The following EGFR variants were observed in gnomAD, a reference collection of about 807,000 sequenced individuals.
EGFR encodes avian erythroblastic leukemia viral (v-erb-b) oncogene homolog.
A neutral mutation model predicts 143.0 loss-of-function variants in EGFR; 58 were observed. The ratio of observed to expected loss-of-function variants is 0.41; its 90% CI spans 0.33 to 0.50. The LOEUF is 0.50. Among genes scored for constraint, EGFR ranks in the 20% least tolerant of loss-of-function variants. The pLI is 0.39. For missense variants in EGFR, 1,307 were observed against 1,579.0 expected (o/e 0.83, Z 2.92); for synonymous variants, 613 against 594.4 (o/e 1.03, Z -0.45).
chr7:55,202,770 C>T lies in EGFR; in HGVS notation c.3271+145C>T, dbSNP rs138407473. ...GCAGATTTGCAGACACAGTGAAGGGCGTAAGGAGCAGATAAACACATGACC... is the reference window on the plus strand; with the variant it reads ...GCAGATTTGCAGACACAGTGAAGGGTGTAAGGAGCAGATAAACACATGACC... On this transcript the variant is annotated intron_variant, in intron 27 of 27. Transcript: ENST00000275493. 1.8e-3 allele frequency: 1,388 copies of T among 763,458 alleles called. No homozygotes were observed. Among genetic ancestry groups the T allele is most frequent in the Non-Finnish European group, 2.7e-3 (1,173 of 432,104 alleles). The allele number at this position is 763,458 out of a possible 1,614,324, so 47.3% of individuals were successfully genotyped here. A position where few individuals can be genotyped will look rare whatever the true frequency, so the allele number is the denominator to read the frequency against.
intron 13 of EGFR, among the ~76,000 whole-genome samples, chr7:55,162,151 ATTTAG>A (rs1477426161): frequency 1.3e-5 from 2 of 152,252 alleles, no homozygotes; most frequent in Non-Finnish European, 2.9e-5. Context: ...TGTTTGTTGA[ATTTAG>A]TTGCAATCAA....
chr7:55,206,738 A>G lies in EGFR; in HGVS notation c.*1121A>G, dbSNP rs1788116925. Reference sequence around the variant, plus strand: ...CACTTCAAAAGCTTTTTACTCAAAGAGTATATGTTCCCTCCAGGTCAGCTG... The same window carrying G: ...CACTTCAAAAGCTTTTTACTCAAAGGGTATATGTTCCCTCCAGGTCAGCTG... On this transcript the variant is annotated 3_prime_UTR_variant, in exon 28 of 28. Transcript: ENST00000275493. 1 of 233,212 alleles carries G rather than the reference A, an allele frequency of 4.3e-6. No homozygotes were observed. The highest frequency in any genetic ancestry group is 8.5e-6 in the Non-Finnish European group (1 of 118,062). The allele number at this position is 233,212 out of a possible 1,614,324, so 14.4% of individuals were successfully genotyped here.
At chr7:55,037,223 C>A (rs530591144) in intron 1 of EGFR, among the ~76,000 whole-genome samples, 9 of 152,152 alleles carry the variant, frequency 5.9e-5, no homozygotes, top group Non-Finnish European at 1.3e-4. Flanking sequence ...TAGCTCAATT[C>A]AACTCAATAG....
chr7:55,145,170 G>A (rs1794697928), intron 3 of EGFR, among the ~76,000 whole-genome samples: 1 of 152,140 alleles, frequency 6.6e-6, no homozygotes, highest in African/African-American at 2.4e-5. Context: ...GTGTGCTGAA[G>A]GCCCAGCTCT....
rs1786407619 is a variant in EGFR at position 55,172,748 on chromosome 7, A to G, written c.1920-235A>G. 6 of 1,196,940 alleles carry G rather than the reference A, an allele frequency of 5.0e-6. No individual in the cohort carries two copies. In the East Asian group the frequency reaches 1.5e-4, roughly 31 times the overall value. The allele number at this position is 1,196,940 out of a possible 1,614,324, so 74.1% of individuals were successfully genotyped here. A position where few individuals can be genotyped will look rare whatever the true frequency, so the allele number is the denominator to read the frequency against. On this transcript the variant is annotated intron_variant, in intron 16 of 27. Coordinates refer to ENST00000275493, the MANE Select transcript of EGFR (RefSeq NM_005228.5). ...ATGGAGAGGTCCAGATAAAGCCTCA[A>G]TTTTAAAAAATGAGGAAAAGTGTGC...
intron 1 of EGFR, among the ~76,000 whole-genome samples, chr7:55,130,483 G>A (rs1161425750): frequency 6.6e-6 from 1 of 152,176 alleles, no homozygotes; most frequent in African/African-American, 2.4e-5. Flanking sequence ...TGGGATTACA[G>A]GGTAGCCAGG....
At chr7:55,140,744 A>G (rs1286546093) in intron 1 of EGFR, among the ~76,000 whole-genome samples, 1 of 152,182 alleles carries the variant, frequency 6.6e-6, no homozygotes, top group African/African-American at 2.4e-5. Flanking sequence ...GATAGGAGAG[A>G]GGGACTCCAT....
chr7:55,101,136 C>T (rs1791794717), intron 1 of EGFR, among the ~76,000 whole-genome samples: 2 of 152,218 alleles, frequency 1.3e-5, no homozygotes, highest in Admixed American at 1.3e-4. Flanking sequence ...CAGATGTGAA[C>T]AAGGGGCCCG....
Position 55,157,748 on chromosome 7 carries a change from G to A in EGFR, c.1293G>A (p.Lys431=), listed in dbSNP as rs2128939785. The stretch of plus-strand genomic sequence containing the variant: ...TAGAAATCATACGCGGCAGGACCAA[G>A]CAACAGTAAGTTGACCACAGCCAAA... The part of the protein sequence containing the change: ...ENLEIIRGRT[K]QHGQFSLAVV... The change falls in exon 11 of 28, where the codon AAG becomes AAA. Residue 431 remains lysine, a synonymous_variant. Coordinates refer to ENST00000275493, the MANE Select transcript of EGFR (RefSeq NM_005228.5). 2 of 1,614,226 alleles carry A rather than the reference G, an allele frequency of 1.2e-6. No homozygotes were observed. Among genetic ancestry groups the A allele is most frequent in the Non-Finnish European group, 1.7e-6 (2 of 1,180,026 alleles).
In EGFR at chr7:55,142,301, G is replaced by A. The variant is rs1406387936; in HGVS notation, c.104G>A (p.Ser35Asn). 2 of 1,614,178 alleles carry A rather than the reference G, an allele frequency of 1.2e-6. No individual in the cohort carries two copies. Among genetic ancestry groups the A allele is most frequent in the Non-Finnish European group, 1.7e-6 (2 of 1,180,034 alleles). Residue 35 changes from serine to asparagine, a missense_variant, in exon 2 of 28, where the codon AGT becomes AAT. Coordinates refer to ENST00000275493, the MANE Select transcript of EGFR (RefSeq NM_005228.5). The stretch of plus-strand genomic sequence containing the variant: ...TTTCTTCCAGTTTGCCAAGGCACGA[G>A]TAACAAGCTCACGCAGTTGGGCACT... ...LEEKKVCQGT[S>N]NKLTQLGTFE...
chr7:55,179,808 C>G (rs1399774703), intron 19 of EGFR: 1 of 152,188 alleles, frequency 6.6e-6, no homozygotes, highest in African/African-American at 2.4e-5. Flanking sequence ...CTAAACAATA[C>G]AGCATAACAA....
In EGFR at chr7:55,152,210, TG is replaced by T. The variant is rs17289809; in HGVS notation, c.629-329del. On this transcript the variant is annotated intron_variant, in intron 5 of 27. Coordinates refer to ENST00000275493, the MANE Select transcript of EGFR (RefSeq NM_005228.5). ...GACACTATGTCCTTAAGCTGAATTG[TG>T]GGGGGGCTGTTAGGCCCTTCTAAAC... 10,985 of 460,274 alleles carry T rather than the reference TG, an allele frequency of 0.024. 188 individuals carry two copies. Among genetic ancestry groups the T allele is most frequent in the Middle Eastern group, 0.067 (208 of 3,104 alleles). 28.5% of individuals were successfully genotyped at this position (460,274 alleles called of 1,614,324 possible).
chr7:55,146,073 G>A (rs1794744065), intron 3 of EGFR, among the ~76,000 whole-genome samples: 3 of 152,040 alleles, frequency 2.0e-5, no homozygotes, highest in African/African-American at 7.2e-5. Flanking sequence ...GTGCATCCCT[G>A]GAGTCTACCT....
chr7:55,069,444 A>G (rs1255527137), intron 1 of EGFR, among the ~76,000 whole-genome samples: 1 of 152,232 alleles, frequency 6.6e-6, no homozygotes, highest in East Asian at 1.9e-4. Flanking sequence ...ATGCTTAAAA[A>G]GACCCCTTGT....
At chr7:55,157,418 CAG>C (rs954911995) in intron 10 of EGFR, among the ~76,000 whole-genome samples, 3 of 152,206 alleles carry the variant, frequency 2.0e-5, no homozygotes, top group African/African-American at 7.2e-5. Context: ...GGGCCACAGC[CAG>C]GGGGGCGGCG....
intron 19 of EGFR, among the ~76,000 whole-genome samples, chr7:55,176,576 G>T (rs1338795524): frequency 2.6e-5 from 4 of 151,924 alleles, no homozygotes; most frequent in African/African-American, 4.8e-5. Flanking sequence ...AAAATTAGCT[G>T]GGTGTGGTGT....
chr7:55,041,172 G>A (rs1467859490), intron 1 of EGFR, among the ~76,000 whole-genome samples: 1 of 152,204 alleles, frequency 6.6e-6, no homozygotes, highest in Admixed American at 6.5e-5. Flanking sequence ...CAGCACTTTG[G>A]GAGTCTGAGG....
intron 1 of EGFR, among the ~76,000 whole-genome samples, chr7:55,124,907 A>G (rs528624208): frequency 5.6e-4 from 86 of 152,312 alleles, no homozygotes; most frequent in African/African-American, 1.7e-3. Context: ...AAGTTTGTCG[A>G]TTCACCCTCT....
intron 1 of EGFR, among the ~76,000 whole-genome samples, chr7:55,112,555 C>T (rs1039856369): frequency 2.6e-5 from 4 of 152,192 alleles, no homozygotes; most frequent in African/African-American, 7.2e-5. Flanking sequence ...AAGTGTGGCC[C>T]GAGGGCCATG....
Sources: gnomAD v4.1 joint callset for allele counts (sites outside exome capture counted in the v4.1 genomes callset) on GRCh38, gnomAD v4.1.1 for gene constraint, MANE v1.5 for transcripts, NCBI Gene and HGNC (gene_info 2026-07-23, HGNC 2026-07-21) for gene names.